The following IQSEC1 variants were observed in gnomAD, a reference collection of about 807,000 sequenced individuals.
IQSEC1 encodes the protein IQ motif and Sec7 domain ArfGEF 1.
In IQSEC1, 31 loss-of-function variants were observed where a neutral mutation model predicts 91.0. The ratio of observed to expected loss-of-function variants is 0.34; its 90% CI spans 0.26 to 0.46. The LOEUF is 0.46. IQSEC1 is among the 20% of genes least tolerant of loss of function. The pLI is 1.00. For synonymous variants in IQSEC1, 699 were observed against 662.6 expected (o/e 1.05, Z -0.84); for missense variants, 1,388 against 1,575.6 (o/e 0.88, Z 2.02).
intron 2 of IQSEC1, among the ~76,000 whole-genome samples, chr3:13,130,059 T>C (rs1050320873): frequency 6.6e-6 from 1 of 151,784 alleles, no homozygotes; most frequent in African/African-American, 2.4e-5. Flanking sequence ...AGAAATGTAT[T>C]GTTTGGCTGG....
intron 1 of IQSEC1, among the ~76,000 whole-genome samples, chr3:13,174,247 G>T (rs75719563): frequency 6.6e-6 from 1 of 152,132 alleles, no homozygotes; most frequent in African/African-American, 2.4e-5. Flanking sequence ...CAGCCACTGC[G>T]GTGCAGGTGC....
At chr3:13,077,095 C>A (rs139411283), upstream of IQSEC1, among the ~76,000 whole-genome samples, 1 of 150,950 alleles carries the variant, frequency 6.6e-6, no homozygotes, top group Non-Finnish European at 1.5e-5. Context: ...GTGGCTTTCA[C>A]GGGAGCAACC....
intron 2 of IQSEC1, among the ~76,000 whole-genome samples, chr3:13,143,417 G>A (rs1308867313): frequency 6.6e-6 from 1 of 152,234 alleles, no homozygotes; most frequent in African/African-American, 2.4e-5. Flanking sequence ...CAGCGGGTAT[G>A]TGAGGAGGAC....
At chr3:13,023,781 T>A (rs1476882360) in intron 1 of IQSEC1, among the ~76,000 whole-genome samples, 1 of 152,234 alleles carries the variant, frequency 6.6e-6, no homozygotes, top group African/African-American at 2.4e-5. Context: ...GGCTGTGGCC[T>A]CCCTGGGGGA....
chr3:12,988,293 T>C (rs1701834419), intron 1 of IQSEC1, among the ~76,000 whole-genome samples: 2 of 152,122 alleles, frequency 1.3e-5, no homozygotes, highest in Non-Finnish European at 2.9e-5. Flanking sequence ...TAGGAGCCTG[T>C]AATCCCAGCT....
In IQSEC1 at chr3:12,936,472, G is replaced by C. The variant is rs1438655656; in HGVS notation, c.544C>G (p.Gln182Glu). ...GAGCCGTCGTTAGTCACTGAGACCT[G>C]CTTCCCCTCGAAGTAGGAGCTGTGC... ...KVHSSYFEGK[Q>E]VSVTNDGSQL... The change falls in exon 3 of 14, where the codon CAG becomes GAG. Residue 182 changes from glutamine (Q) to glutamate (E), a missense_variant. Transcript: ENST00000613206. 1.2e-6 allele frequency: 2 copies of C among 1,611,608 alleles called. No individual in the cohort carries two copies. The highest frequency in any genetic ancestry group is 1.7e-6 in the Non-Finnish European group (2 of 1,178,466).
intron 1 of IQSEC1, among the ~76,000 whole-genome samples, chr3:13,279,213 A>G (rs1394145145): frequency 6.6e-6 from 1 of 152,362 alleles, no homozygotes; most frequent in Middle Eastern, 3.4e-3. Flanking sequence ...CATCCACTCA[A>G]CAAATCTTTA....
At chr3:13,063,579 G>A (rs1043235981) in intron 1 of IQSEC1, among the ~76,000 whole-genome samples, 1 of 152,246 alleles carries the variant, frequency 6.6e-6, no homozygotes, top group Non-Finnish European at 1.5e-5. Flanking sequence ...GGCTGGGGCT[G>A]GGGCCCCGGT....
At chr3:13,148,986 C>T (rs73815413) in intron 2 of IQSEC1, among the ~76,000 whole-genome samples, 19,208 of 152,244 alleles carry the variant, frequency 0.13, 1,279 homozygotes, top group African/African-American at 0.18. Flanking sequence ...GGAAGAACCG[C>T]TGCTGGGCAG....
rs533948285 is a variant in IQSEC1 at position 13,193,841 on chromosome 3, G to A, written c.273-29708C>T. The stretch of plus-strand genomic sequence containing the variant: ...GCCTGTGTGACTCCACCAGCGGCCA[G>A]CAGCTTCCAGTGTCCATCAGTCAAC... On this transcript the variant is annotated intron_variant, in intron 1 of 15. Transcript: ENST00000648114. This position sits in a 1 kb window ranked among gnomAD's most constrained non-coding sequence, Gnocchi z 4.2. 6.6e-6 allele frequency among the ~76,000 whole-genome samples: 1 copy of A among 152,322 alleles called. No homozygotes were observed. Among genetic ancestry groups the A allele is most frequent in the Non-Finnish European group, 1.5e-5 (1 of 68,020 alleles).
chr3:13,047,064 G>A (rs1238146241), intron 1 of IQSEC1, among the ~76,000 whole-genome samples: 2 of 151,056 alleles, frequency 1.3e-5, no homozygotes, highest in African/African-American at 4.8e-5. Context: ...AAGCGCAGCT[G>A]CACACCAATA....
intron 1 of IQSEC1, among the ~76,000 whole-genome samples, chr3:12,956,976 C>T (rs1349152436): frequency 6.6e-6 from 1 of 152,208 alleles, no homozygotes; most frequent in East Asian, 1.9e-4. Flanking sequence ...TGCTCTGTGC[C>T]ATCAGCCAGA....
At chr3:13,181,200 G>A (rs946725432) in intron 1 of IQSEC1, among the ~76,000 whole-genome samples, 1 of 152,236 alleles carries the variant, frequency 6.6e-6, no homozygotes, top group African/African-American at 2.4e-5. Flanking sequence ...AAACTCGGGA[G>A]GTGGAGCTTG....
intron 2 of IQSEC1, among the ~76,000 whole-genome samples, chr3:13,095,162 C>T (rs995528284): frequency 6.6e-6 from 1 of 152,048 alleles, no homozygotes; most frequent in African/African-American, 2.4e-5. Context: ...CCCCAGGCTG[C>T]GATGTGTAGT....
chr3:13,074,848 A>T (rs374420596), upstream of IQSEC1, among the ~76,000 whole-genome samples: 24 of 152,284 alleles, frequency 1.6e-4, 2 homozygotes, highest in Admixed American at 9.2e-4. Flanking sequence ...GTTCCATTCC[A>T]TCCTTTACAG....
At chr3:13,162,274 G>A (rs570074598) in intron 2 of IQSEC1, among the ~76,000 whole-genome samples, 1 of 152,164 alleles carries the variant, frequency 6.6e-6, no homozygotes, top group Non-Finnish European at 1.5e-5. Flanking sequence ...GGGCACCTTG[G>A]GGGGATTGGG....
chr3:13,157,246 C>A (rs1707099404), intron 2 of IQSEC1, among the ~76,000 whole-genome samples: 1 of 152,184 alleles, frequency 6.6e-6, no homozygotes, highest in South Asian at 2.1e-4. Flanking sequence ...CTCCCTTGCC[C>A]CCACACCAAT....
chr3:13,252,764 GCT>G (rs1695218945), intron 1 of IQSEC1, among the ~76,000 whole-genome samples: 1 of 150,916 alleles, frequency 6.6e-6, no homozygotes, highest in African/African-American at 2.5e-5. Flanking sequence ...ACGGAGTCTT[GCT>G]CTGTCACCCA....
At position 12,983,486 on chromosome 3, in the gene IQSEC1, T is replaced by G. The variant is rs912453545; in HGVS notation, c.24-41621A>C. The stretch of plus-strand genomic sequence containing the variant: ...TGGCAGGTCCAGCCCACCCACCACC[T>G]GTCACCCTGCTGGAGAACTGCAGCC... On this transcript the variant is annotated intron_variant, in intron 1 of 13. Coordinates refer to ENST00000613206, the MANE Select transcript of IQSEC1 (RefSeq NM_001134382.3). This position sits in a 1 kb window ranked among gnomAD's most constrained non-coding sequence, Gnocchi z 4.3. Among the ~76,000 whole-genome samples, 3 of 152,150 alleles carry G rather than the reference T, an allele frequency of 2.0e-5. No individual in the cohort carries two copies. The highest frequency in any genetic ancestry group is 7.2e-5 in the African/African-American group (3 of 41,432).
Sources: gnomAD v4.1 joint callset for allele counts (sites outside exome capture counted in the v4.1 genomes callset) on GRCh38, gnomAD v4.1.1 for gene constraint, Gnocchi (gnomAD v3.1) non-coding constraint, MANE v1.5 for transcripts, NCBI Gene and HGNC (gene_info 2026-07-23, HGNC 2026-07-21) for gene names.